Variants in TJP3 observed in about 807,000 individuals in gnomAD.
The protein encoded by TJP3 is tight junction protein 3, also known as tight junction protein ZO-3.
In TJP3, 85 loss-of-function variants were observed where a neutral mutation model predicts 104.2. The ratio of observed to expected loss-of-function variants is 0.82; its 90% CI spans 0.68 to 0.98. The LOEUF (loss-of-function observed/expected upper bound fraction) is 0.98. Ranked by LOEUF, TJP3 falls within the 50% of genes least tolerant of loss-of-function variation. The probability of loss-of-function intolerance (pLI) is 0.00; values close to 1 mark genes in which losing one functional copy is unlikely to be tolerated. For synonymous variants in TJP3, 550 were observed against 550.6 expected (o/e 1.00, Z 0.02); for missense variants, 1,367 against 1,322.8 (o/e 1.03, Z -0.52).
intron 1 of TJP3, among the ~76,000 whole-genome samples, chr19:3,709,510 T>C (rs1568375259): frequency 6.6e-6 from 1 of 152,158 alleles, no homozygotes; most frequent in Non-Finnish European, 1.5e-5. Flanking sequence ...AAAGTGTTTT[T>C]CTGGGTCATT....
chr19:3,739,114 C>A lies in TJP3; in HGVS notation c.1611C>A (p.Gly537=). ...GTGACCTGCGGGAGCAAGAGCGGGG[C>A]ATCATTCCCAACCAGAGCAGGTGGG... ...MGRDLREQER[G]IIPNQSRAEQ... The change falls in exon 13 of 21, where the codon GGC becomes GGA. Residue 537 remains glycine (G), a synonymous_variant. Coordinates refer to ENST00000541714, the MANE Select transcript of TJP3 (RefSeq NM_001267560.2). The A allele has an allele frequency of 6.4e-7, 1 of 1,566,962 alleles. No homozygotes were observed. The highest frequency in any genetic ancestry group is 8.7e-7 in the Non-Finnish European group (1 of 1,153,828).
At chr19:3,743,858 G>A in intron 14 of TJP3, 81 bp from the exon 15 acceptor site, 1 of 1,278,274 alleles carries the variant, frequency 7.8e-7, no homozygotes, top group Non-Finnish European at 1.1e-6. Flanking sequence ...CTATAAGGAA[G>A]TGGAGGGGTT....
chr19:3,719,077 A>G (rs1253471096), intron 1 of TJP3, among the ~76,000 whole-genome samples: 10 of 151,672 alleles, frequency 6.6e-5, no homozygotes, highest in East Asian at 2.0e-4. Context: ...CCAGCTACTC[A>G]GGAGGCTGAG....
intron 14 of TJP3, among the ~76,000 whole-genome samples, chr19:3,742,821 C>A (rs2036840496): frequency 6.6e-6 from 1 of 150,850 alleles, no homozygotes; most frequent in Admixed American, 6.6e-5. Flanking sequence ...CAAAAATTAG[C>A]CGGGCGTGGT....
At chr19:3,742,157 G>C (rs1401852131) in intron 14 of TJP3, among the ~76,000 whole-genome samples, 4 of 152,044 alleles carry the variant, frequency 2.6e-5, no homozygotes, top group Non-Finnish European at 5.9e-5. Context: ...TCTTTGACCG[G>C]GCGTGGTGGC....
At chr19:3,731,890 C>G (rs374097468) in intron 5 of TJP3, 45 bp from the exon 6 acceptor site, 6 of 1,553,392 alleles carry the variant, frequency 3.9e-6, no homozygotes, top group Non-Finnish European at 5.3e-6. Flanking sequence ...TCCCAGGCAC[C>G]CGTCTCCAGA....
In TJP3 at chr19:3,710,148, C is replaced by CA. The variant is rs34705583; in HGVS notation, c.-10+1606dup. Among the ~76,000 whole-genome samples, 136 of 88,744 alleles carry CA rather than the reference C, an allele frequency of 1.5e-3. 1 individual carries two copies. The highest frequency in any genetic ancestry group is 3.8e-3 in the African/African-American group (87 of 22,858). The allele number at this position is 88,744 out of a possible 152,430, so 58.2% of individuals were successfully genotyped here. A position where few individuals can be genotyped will look rare whatever the true frequency, so the allele number is the denominator to read the frequency against. On this transcript the variant is annotated intron_variant, in intron 1 of 20. Transcript: ENST00000541714. Reference sequence around the variant, plus strand: ...TGGACAACAGAGTGAGACTCTGTCTCAAAAAAAAAAAAAAAAAAAGGGGTG... The same window carrying CA: ...TGGACAACAGAGTGAGACTCTGTCTCAAAAAAAAAAAAAAAAAAAAGGGGTG...
chr19:3,732,760 C>T (rs553727745), intron 6 of TJP3, among the ~76,000 whole-genome samples: 20 of 152,210 alleles, frequency 1.3e-4, no homozygotes, highest in African/African-American at 3.6e-4. Context: ...CCCCCCCGCT[C>T]GGCCTCCCAA....
intron 6 of TJP3, among the ~76,000 whole-genome samples, chr19:3,732,771 C>T (rs1034513703): frequency 2.6e-5 from 4 of 151,192 alleles, no homozygotes; most frequent in Admixed American, 6.6e-5. Flanking sequence ...GGCCTCCCAA[C>T]GTGCTGGGAT....
chr19:3,731,723 C>T (rs1037604828), intron 5 of TJP3, among the ~76,000 whole-genome samples: 2 of 152,180 alleles, frequency 1.3e-5, no homozygotes, highest in African/African-American at 2.4e-5. Context: ...GGCAACATCA[C>T]GAGTGGCACG....
intron 1 of TJP3, among the ~76,000 whole-genome samples, chr19:3,713,846 G>C (rs1244305994): frequency 6.6e-6 from 1 of 151,012 alleles, no homozygotes; most frequent in Non-Finnish European, 1.5e-5. Context: ...CTCCCGAGTA[G>C]CTGGGACTAC....
In TJP3 at chr19:3,746,703, G is replaced by T; in HGVS notation, c.2221+8G>T. The T allele has an allele frequency of 6.2e-7, 1 of 1,608,520 alleles. No individual in the cohort carries two copies. The highest frequency in any genetic ancestry group is 8.5e-7 in the Non-Finnish European group (1 of 1,177,516). On this transcript the variant is annotated splice_region_variant and intron_variant, in intron 17 of 20. Transcript: ENST00000541714. This position sits in a 1 kb window ranked among gnomAD's most constrained non-coding sequence, Gnocchi z 4.1. ...GCAGCCACCTCTTCACAGGTTGGGG[G>T]GTGGGTGTCCCAGGGTAGGCGGGTG...
rs2036885197 is a variant in TJP3 at position 3,746,216 on chromosome 19, T to C, written c.2010+135T>C. On this transcript the variant is annotated intron_variant, in intron 16 of 20. Transcript: ENST00000541714. This position sits in a 1 kb window ranked among gnomAD's most constrained non-coding sequence, Gnocchi z 4.1. Reference sequence around the variant, plus strand: ...CTTCCATAGAGCCCCTTTTGGAGGCTTTGTGAGGCAGGAGGCCCGAGACAG... The same window carrying C: ...CTTCCATAGAGCCCCTTTTGGAGGCCTTGTGAGGCAGGAGGCCCGAGACAG... 3.1e-6 allele frequency: 3 copies of C among 956,610 alleles called. No individual in the cohort carries two copies. The highest frequency in any genetic ancestry group is 4.7e-6 in the Non-Finnish European group (3 of 637,104). The allele number at this position is 956,610 out of a possible 1,614,324, so 59.3% of individuals were successfully genotyped here.
At chr19:3,722,955 C>A (rs1366506021) in intron 1 of TJP3, among the ~76,000 whole-genome samples, 2 of 120,194 alleles carry the variant, frequency 1.7e-5, no homozygotes, top group African/African-American at 3.2e-5. Context: ...GCCTCTTGTT[C>A]GGTGTTTGTG....
At position 3,748,671 on chromosome 19, in the gene TJP3, C is replaced by T. The variant is rs529941875; in HGVS notation, c.2610+590C>T. Among the ~76,000 whole-genome samples the T allele has an allele frequency of 6.0e-5, 9 of 148,788 alleles. No homozygotes were observed. In the East Asian group the frequency reaches 1.8e-3, roughly 30 times the overall value. On this transcript the variant is annotated intron_variant, in intron 19 of 20. Coordinates refer to ENST00000541714, the MANE Select transcript of TJP3 (RefSeq NM_001267560.2). ...ACAACCTCCGCCTCCCAGGTTCAAA[C>T]GATTCTCCTGTCTCAGCCTCCTGAG...
Position 3,750,143 on chromosome 19 carries a change from C to T in TJP3, c.2616C>T (p.Asp872=). ...RISAHQGAQV[D]SRHPQGQWRQ... Reference sequence around the variant, plus strand: ...CTCTCTCCCTCTCCTCCAAGGTGGACAGCCGCCACCCCCAGGGACAGTGGC... The same window carrying T: ...CTCTCTCCCTCTCCTCCAAGGTGGATAGCCGCCACCCCCAGGGACAGTGGC... Residue 872 remains aspartate, a synonymous_variant, in exon 20 of 21, where the codon GAC becomes GAT. Transcript: ENST00000541714. 2 of 1,614,124 alleles carry T rather than the reference C, an allele frequency of 1.2e-6. No homozygotes were observed. Among genetic ancestry groups the T allele is most frequent in the South Asian group, 1.1e-5 (1 of 91,080 alleles).
intron 20 of TJP3, 61 bp downstream of exon 20, chr19:3,750,245 G>A (rs932130501): frequency 9.6e-5 from 154 of 1,606,840 alleles, no homozygotes; most frequent in Non-Finnish European, 1.2e-4. Context: ...CAGACTCTGC[G>A]GACTCAGATC....
chr19:3,749,960 C>G (rs2036967742), intron 19 of TJP3, among the ~76,000 whole-genome samples, 178 bp from the exon 20 acceptor site: 1 of 152,212 alleles, frequency 6.6e-6, no homozygotes, highest in Non-Finnish European at 1.5e-5. Flanking sequence ...AGGCCTTCCC[C>G]TATCCCAGCC....
chr19:3,734,881 G>C (rs374144584), intron 8 of TJP3, among the ~76,000 whole-genome samples: 1 of 152,152 alleles, frequency 6.6e-6, no homozygotes, highest in African/African-American at 2.4e-5. Context: ...TTGAACCCAG[G>C]AAATGGAGGT....
Sources: gnomAD v4.1 joint callset for allele counts (sites outside exome capture counted in the v4.1 genomes callset) on GRCh38, gnomAD v4.1.1 for gene constraint, Gnocchi (gnomAD v3.1) non-coding constraint, MANE v1.5 for transcripts, NCBI Gene and HGNC (gene_info 2026-07-23, HGNC 2026-07-21) for gene names.